Variants in ZCCHC17 observed in about 807,000 individuals in gnomAD.
ZCCHC17 encodes zinc finger CCHC domain-containing protein 17.
In ZCCHC17, 18 loss-of-function variants were observed where a neutral mutation model predicts 30.6. That is an observed-to-expected ratio of 0.59 (90% confidence interval 0.41 to 0.87). ZCCHC17 has a LOEUF of 0.87. Ranked by LOEUF, ZCCHC17 falls within the 40% of genes least tolerant of loss-of-function variation. ZCCHC17 has a pLI of 0.00. For synonymous variants in ZCCHC17, 88 were observed against 92.4 expected, an observed-to-expected ratio of 0.95 and a Z score of 0.27; for missense variants, 263 against 284.2, an observed-to-expected ratio of 0.93 and a Z score of 0.54.
intron 2 of ZCCHC17, among the ~76,000 whole-genome samples, chr1:31,312,317 A>G (rs992074398): frequency 6.6e-6 from 1 of 152,164 alleles, no homozygotes; most frequent in African/African-American, 2.4e-5. Flanking sequence ...CAGGACACTA[A>G]GCTCCATGAG....
chr1:31,300,296 G>C (rs1646278892), intron 1 of ZCCHC17, among the ~76,000 whole-genome samples: 1 of 152,164 alleles, frequency 6.6e-6, no homozygotes, highest in Non-Finnish European at 1.5e-5. Flanking sequence ...CTGGCCTCAA[G>C]TGATCTTGCT....
chr1:31,361,406 G>A (rs530059735), intron 7 of ZCCHC17, among the ~76,000 whole-genome samples: 23 of 152,264 alleles, frequency 1.5e-4, no homozygotes, highest in African/African-American at 5.3e-4. Flanking sequence ...TGCTTATCTT[G>A]TTTAAACCTC....
chr1:31,338,522 C>G (rs945540473), intron 4 of ZCCHC17, among the ~76,000 whole-genome samples: 13 of 152,102 alleles, frequency 8.5e-5, no homozygotes, highest in African/African-American at 3.1e-4. Flanking sequence ...CTGCGGGAAG[C>G]AAAAGAAGAC....
chr1:31,311,367 G>A (rs1224711519), intron 2 of ZCCHC17, among the ~76,000 whole-genome samples: 4 of 152,176 alleles, frequency 2.6e-5, no homozygotes, highest in Admixed American at 6.5e-5. Context: ...TACCCTGCTC[G>A]TAGTCAAGAC....
chr1:31,324,083 C>T (rs1280449008), intron 3 of ZCCHC17, among the ~76,000 whole-genome samples: 1 of 152,140 alleles, frequency 6.6e-6, no homozygotes. Flanking sequence ...AGTTGTAAAA[C>T]ATCATTGATT....
intron 3 of ZCCHC17, among the ~76,000 whole-genome samples, chr1:31,320,078 A>G (rs1010802140): frequency 1.6e-4 from 24 of 152,188 alleles, no homozygotes; most frequent in Non-Finnish European, 2.9e-4. Flanking sequence ...AGGATAAAAA[A>G]ATATTACTTG....
rs1391395993 is a variant in ZCCHC17 at position 31,313,774 on chromosome 1, GAAGAA to G, written c.66+3611_66+3615del. Reference sequence around the variant, plus strand: ...CATCAGGTGCTGCCCAAAAGAAAGGGAAGAACACTCTGCCCTCCACAGAATAACTC... The same window carrying G: ...CATCAGGTGCTGCCCAAAAGAAAGGGCACTCTGCCCTCCACAGAATAACTC... On this transcript the variant is annotated intron_variant, in intron 2 of 7. Transcript: ENST00000344147. Among the ~76,000 whole-genome samples, 4 of 152,238 alleles carry G rather than the reference GAAGAA, an allele frequency of 2.6e-5. No individual in the cohort carries two copies. The South Asian group carries it at 8.3e-4, about 32-fold the overall frequency.
chr1:31,325,103 A>G lies in ZCCHC17; in HGVS notation c.124+5937A>G, dbSNP rs115102503. ...ACCCACACTGGGTCTCCTCTCCGTC[A>G]AGGGCTGCAGATGTTGGGATGACCT... On this transcript the variant is annotated intron_variant, in intron 3 of 7. Coordinates refer to ENST00000344147, the MANE Select transcript of ZCCHC17 (RefSeq NM_016505.4). Among the ~76,000 whole-genome samples, 397 of 152,274 alleles carry G rather than the reference A, an allele frequency of 2.6e-3. 1 individual carries two copies. The highest frequency in any genetic ancestry group is 8.9e-3 in the African/African-American group (369 of 41,568).
chr1:31,343,998 G>C (rs1380300307), intron 5 of ZCCHC17, among the ~76,000 whole-genome samples: 1 of 151,762 alleles, frequency 6.6e-6, no homozygotes, highest in Non-Finnish European at 1.5e-5. Flanking sequence ...GGGATTACAG[G>C]CATGTACCAC....
At chr1:31,350,071 A>G (rs1639416445) in intron 7 of ZCCHC17, among the ~76,000 whole-genome samples, 1 of 152,250 alleles carries the variant, frequency 6.6e-6, no homozygotes. Context: ...AGAGCAATTC[A>G]TAAAACAGAT....
chr1:31,323,915 G>A (rs948265227), intron 3 of ZCCHC17, among the ~76,000 whole-genome samples: 4 of 152,190 alleles, frequency 2.6e-5, no homozygotes, highest in African/African-American at 4.8e-5. Context: ...TTTAGTGTAA[G>A]TAGAGAATTA....
chr1:31,335,663 C>A (rs1304132044), intron 3 of ZCCHC17, among the ~76,000 whole-genome samples: 1 of 152,150 alleles, frequency 6.6e-6, no homozygotes, highest in Non-Finnish European at 1.5e-5. Flanking sequence ...CCATGCCCAG[C>A]AATTATTTCA....
In ZCCHC17 at chr1:31,297,083, T is replaced by A. The variant is rs1295413985; in HGVS notation, c.-56+8T>A. The A allele has an allele frequency of 2.3e-6, 1 of 426,802 alleles. No individual in the cohort carries two copies. Among genetic ancestry groups the A allele is most frequent in the Non-Finnish European group, 4.2e-6 (1 of 240,946 alleles). The allele number at this position is 426,802 out of a possible 1,614,324, so 26.4% of individuals were successfully genotyped here. ...ACCTGGAGCTGACGCCTAGTACGTA[T>A]GAGGAAGAACGGGGTGGGTGGCTGC... On this transcript the variant is annotated splice_region_variant and intron_variant, in intron 1 of 7. Coordinates refer to ENST00000344147, the MANE Select transcript of ZCCHC17 (RefSeq NM_016505.4).
intron 7 of ZCCHC17, among the ~76,000 whole-genome samples, chr1:31,360,495 CTTTTG>C (rs1388281316): frequency 2.6e-5 from 4 of 152,192 alleles, no homozygotes; most frequent in African/African-American, 9.6e-5. Flanking sequence ...TGTGATTGTT[CTTTTG>C]TTCTGTAGCT....
intron 3 of ZCCHC17, among the ~76,000 whole-genome samples, chr1:31,319,375 A>G (rs369786325): frequency 6.6e-5 from 10 of 152,190 alleles, no homozygotes; most frequent in East Asian, 5.8e-4. Flanking sequence ...ACTGGGGTAT[A>G]GCTAACTGGG....
intron 1 of ZCCHC17, among the ~76,000 whole-genome samples, chr1:31,304,515 C>A (rs1174141425): frequency 1.3e-5 from 2 of 151,870 alleles, no homozygotes; most frequent in Admixed American, 1.3e-4. Context: ...AACTCCTGGG[C>A]TCTAGTGATC....
At chr1:31,318,043 CTG>C in intron 2 of ZCCHC17, 1 of 717,554 alleles carries the variant, frequency 1.4e-6, no homozygotes, top group East Asian at 3.0e-5. Context: ...AGTACCAACT[CTG>C]TACAGTGACA....
At chr1:31,348,175 C>T (rs1332928194) in intron 6 of ZCCHC17, among the ~76,000 whole-genome samples, 4 of 152,204 alleles carry the variant, frequency 2.6e-5, no homozygotes, top group Non-Finnish European at 5.9e-5. Context: ...CAGCAGAAAG[C>T]ACAGGGCAGG....
At chr1:31,334,627 AAAATG>A (rs1437664839) in intron 3 of ZCCHC17, among the ~76,000 whole-genome samples, 1 of 152,156 alleles carries the variant, frequency 6.6e-6, no homozygotes, top group East Asian at 1.9e-4. Flanking sequence ...TCTAATTTTT[AAAATG>A]TTTTTAAAGC....
Sources: allele counts gnomAD v4.1 joint callset (sites outside exome capture counted in the v4.1 genomes callset), GRCh38; gene constraint gnomAD v4.1.1; transcripts MANE v1.5; gene names NCBI Gene and HGNC (gene_info 2026-07-23, HGNC 2026-07-21).